The following DCUN1D5 variants were observed in gnomAD, a reference collection of about 807,000 sequenced individuals.
DCUN1D5 encodes the protein defective in cullin neddylation 1 domain containing 5, also known as DCN1-like protein 5.
Under a neutral mutation model 38.3 loss-of-function variants are expected in DCUN1D5, and 10 were observed. That is an observed-to-expected ratio of 0.26 (90% CI 0.16 to 0.44). The LOEUF (loss-of-function observed/expected upper bound fraction) is 0.44. Among genes scored for constraint, DCUN1D5 ranks in the 20% least tolerant of loss-of-function variants. The pLI is 1.00. For synonymous variants in DCUN1D5, 93 were observed against 90.9 expected (o/e 1.02, Z -0.13); for missense variants, 148 against 275.3 (o/e 0.54, Z 3.27).
At position 103,059,897 on chromosome 11, in the gene DCUN1D5, T is replaced by C. The variant is rs892082581; in HGVS notation, c.*2462A>G. On this transcript the variant is annotated 3_prime_UTR_variant, in exon 8 of 8. Coordinates refer to ENST00000260247, the MANE Select transcript of DCUN1D5 (RefSeq NM_032299.4). ...GTATTTCATCCTGTACAAAGGGAAG[T>C]AGTTCTGAAAATTTTACAACAGGGT... Among the ~76,000 whole-genome samples the C allele has an allele frequency of 2.0e-5, 3 of 152,130 alleles. No homozygotes were observed. Among genetic ancestry groups the C allele is most frequent in the Non-Finnish European group, 4.4e-5 (3 of 68,024 alleles).
chr11:103,071,371 A>T lies in DCUN1D5; in HGVS notation c.342-4804T>A, dbSNP rs1440459542. 1.3e-5 allele frequency among the ~76,000 whole-genome samples: 2 copies of T among 151,978 alleles called. No individual in the cohort carries two copies. The highest frequency in any genetic ancestry group is 4.8e-5 in the African/African-American group (2 of 41,454). On this transcript the variant is annotated intron_variant, in intron 4 of 7. Transcript: ENST00000260247. This position sits in a 1 kb window ranked among gnomAD's most constrained non-coding sequence, Gnocchi z 4.1. The stretch of plus-strand genomic sequence containing the variant: ...TTACAGACCCACAGCTATCAAAAGC[A>T]TAGTAAGGGATACACAATGAACATA...
Position 103,062,380 on chromosome 11 carries a change from T to C in DCUN1D5, c.693A>G (p.Gln231=). 5 of 1,613,526 alleles carry C rather than the reference T, an allele frequency of 3.1e-6. No individual in the cohort carries two copies. The highest frequency in any genetic ancestry group is 4.2e-6 in the Non-Finnish European group (5 of 1,179,628). Residue 231 remains glutamine (Q), a synonymous_variant, in exon 8 of 8, where the codon CAA becomes CAG. Transcript: ENST00000260247. The surrounding 1 kb of genome is among the most constrained non-coding windows in gnomAD (Gnocchi z 4.6). ...PVLLDEFVEW[Q]KVRQTS ...CTTGCTATGATGTCTGACGGACTTT[T>C]TGCCACTCAACAAATTCATCAAGAA...
Position 103,091,678 on chromosome 11 carries a change from C to T in DCUN1D5, c.86+109G>A. On this transcript the variant is annotated intron_variant, in intron 1 of 7. Transcript: ENST00000260247. The surrounding 1 kb of genome is among the most constrained non-coding windows in gnomAD (Gnocchi z 4.3). ...CTACAGCCTAGCTCGATCAAAGGGGCCTCACCTGTCTCCAGCCCCAGCCCG... is the reference window on the plus strand; with the variant it reads ...CTACAGCCTAGCTCGATCAAAGGGGTCTCACCTGTCTCCAGCCCCAGCCCG... 2 of 1,599,790 alleles carry T rather than the reference C, an allele frequency of 1.3e-6. No homozygotes were observed. The highest frequency in any genetic ancestry group is 8.5e-7 in the Non-Finnish European group (1 of 1,173,312).
In DCUN1D5 at chr11:103,063,458, C is replaced by A. The variant is rs971705233; in HGVS notation, c.658+817G>T. Among the ~76,000 whole-genome samples the A allele has an allele frequency of 1.3e-5, 2 of 152,018 alleles. No homozygotes were observed. The highest frequency in any genetic ancestry group is 1.3e-4 in the Admixed American group (2 of 15,246). On this transcript the variant is annotated intron_variant, in intron 7 of 7. Coordinates refer to ENST00000260247, the MANE Select transcript of DCUN1D5 (RefSeq NM_032299.4). The surrounding 1 kb of genome is among the most constrained non-coding windows in gnomAD (Gnocchi z 4.6). ...CTTTAAAATAATACTAAATTTTATA[C>A]CATCTTGTAGAGAGAGGACAAAATA... is the stretch of plus-strand genomic sequence containing the variant.
At position 103,066,206 on chromosome 11, in the gene DCUN1D5, A is replaced by G. The variant is rs1211268861; in HGVS notation, c.555+63T>C. The G allele has an allele frequency of 1.8e-6, 2 of 1,116,654 alleles. No individual in the cohort carries two copies. Among genetic ancestry groups the G allele is most frequent in the Non-Finnish European group, 1.3e-6 (1 of 795,512 alleles). 69.2% of individuals were successfully genotyped at this position (1,116,654 alleles called of 1,614,324 possible). A position where few individuals can be genotyped will look rare whatever the true frequency, so the allele number is the denominator to read the frequency against. ...CTATTAAAAATCTACTTGTTCCTCAAAAGTATAACTTTCAGATTAAGTTTT... is the reference window on the plus strand; with the variant it reads ...CTATTAAAAATCTACTTGTTCCTCAGAAGTATAACTTTCAGATTAAGTTTT... On this transcript the variant is annotated intron_variant, in intron 6 of 7. Coordinates refer to ENST00000260247, the MANE Select transcript of DCUN1D5 (RefSeq NM_032299.4). This position sits in a 1 kb window ranked among gnomAD's most constrained non-coding sequence, Gnocchi z 4.7.
At chr11:103,079,372 A>G (rs980199464) in intron 4 of DCUN1D5, among the ~76,000 whole-genome samples, 2 of 152,224 alleles carry the variant, frequency 1.3e-5, no homozygotes, top group East Asian at 3.8e-4. Context: ...CCTCGCTGTG[A>G]TCACCAGTAA....
rs764172600 is a variant in DCUN1D5, at chr11:103,066,515, A to G, written c.394T>C (p.Leu132=). The G allele has an allele frequency of 6.2e-7, 1 of 1,612,970 alleles. No homozygotes were observed. The highest frequency in any genetic ancestry group is 8.5e-7 in the Non-Finnish European group (1 of 1,179,434). The change falls in exon 5 of 8, where the codon TTG becomes CTG. Residue 132 remains leucine (L), a synonymous_variant. Transcript: ENST00000260247. The surrounding 1 kb of genome is among the most constrained non-coding windows in gnomAD (Gnocchi z 4.7). Reference sequence around the variant, plus strand: ...TTCTTAAATGACGAAATATCATTCAACTGTGAGCGCAAAAAGTCAAATTTG... The same window carrying G: ...TTCTTAAATGACGAAATATCATTCAGCTGTGAGCGCAAAAAGTCAAATTTG... The part of the protein sequence containing the change: ...QNKFDFLRSQ[L]NDISSFKNIY...
rs1268527871 is a variant in DCUN1D5, at chr11:103,066,238, A to G, written c.555+31T>C. Reference sequence around the variant, plus strand: ...AACTTTCAGATTAAGTTTTAAAATAATATTTTCAAAATTCGAAAAAACATA... The same window carrying G: ...AACTTTCAGATTAAGTTTTAAAATAGTATTTTCAAAATTCGAAAAAACATA... On this transcript the variant is annotated intron_variant, in intron 6 of 7. Coordinates refer to ENST00000260247, the MANE Select transcript of DCUN1D5 (RefSeq NM_032299.4). The surrounding 1 kb of genome is among the most constrained non-coding windows in gnomAD (Gnocchi z 4.7). 3.5e-5 allele frequency: 47 copies of G among 1,347,486 alleles called. No individual in the cohort carries two copies. Among genetic ancestry groups the G allele is most frequent in the Non-Finnish European group, 4.4e-5 (43 of 975,568 alleles). 83.5% of individuals were successfully genotyped at this position (1,347,486 alleles called of 1,614,324 possible).
rs1261517491 is a variant in DCUN1D5 at position 103,058,228 on chromosome 11, A to G, written c.*4131T>C. 1.3e-5 allele frequency among the ~76,000 whole-genome samples: 2 copies of G among 152,214 alleles called. No homozygotes were observed. The highest frequency in any genetic ancestry group is 1.5e-5 in the Non-Finnish European group (1 of 68,030). On this transcript the variant is annotated 3_prime_UTR_variant, in exon 8 of 8. Coordinates refer to ENST00000260247, the MANE Select transcript of DCUN1D5 (RefSeq NM_032299.4). ...GGTTCTAATACATGACACAGCATACACAGCAAAATGTTTCATCGATCCTAA... is the reference window on the plus strand; with the variant it reads ...GGTTCTAATACATGACACAGCATACGCAGCAAAATGTTTCATCGATCCTAA...
rs1861791915 is a variant in DCUN1D5 at position 103,053,302 on chromosome 11, T to C, written c.*9057A>G. 1 of 150,858 alleles carries C rather than the reference T, an allele frequency of 6.6e-6. No individual in the cohort carries two copies. The highest frequency in any genetic ancestry group is 1.5e-5 in the Non-Finnish European group (1 of 67,642). 9.3% of individuals were successfully genotyped at this position (150,858 alleles called of 1,614,324 possible). A position where few individuals can be genotyped will look rare whatever the true frequency, so the allele number is the denominator to read the frequency against. On this transcript the variant is annotated 3_prime_UTR_variant, in exon 8 of 8. Coordinates refer to ENST00000260247, the MANE Select transcript of DCUN1D5 (RefSeq NM_032299.4). The surrounding 1 kb of genome is among the most constrained non-coding windows in gnomAD (Gnocchi z 4.8). The stretch of plus-strand genomic sequence containing the variant: ...GCATCCATTTAATGAACCATTTCAC[T>C]ATACTGCCTACAAAGAAAGCAAGTA...
intron 1 of DCUN1D5, among the ~76,000 whole-genome samples, chr11:103,090,259 GAAT>G (rs1006467665): frequency 1.7e-4 from 26 of 152,104 alleles, no homozygotes; most frequent in Admixed American, 1.6e-3. Context: ...GTACAAAAAT[GAAT>G]AATAATTTGC....
In DCUN1D5 at chr11:103,055,558, T is replaced by C. The variant is rs1236770472; in HGVS notation, c.*6801A>G. Reference sequence around the variant, plus strand: ...ACATATTTGGCAACTATTATCAATCTTGCTTTTTAAATCTTAGTGCTTCTA... The same window carrying C: ...ACATATTTGGCAACTATTATCAATCCTGCTTTTTAAATCTTAGTGCTTCTA... On this transcript the variant is annotated 3_prime_UTR_variant, in exon 8 of 8. Transcript: ENST00000260247. 6.6e-6 allele frequency: 1 copy of C among 152,224 alleles called. No individual in the cohort carries two copies. Among genetic ancestry groups the C allele is most frequent in the Non-Finnish European group, 1.5e-5 (1 of 68,026 alleles). The allele number at this position is 152,224 out of a possible 1,614,324, so 9.4% of individuals were successfully genotyped here.
chr11:103,091,612 A>T lies in DCUN1D5; in HGVS notation c.86+175T>A. On this transcript the variant is annotated intron_variant, in intron 1 of 7. Transcript: ENST00000260247. This position sits in a 1 kb window ranked among gnomAD's most constrained non-coding sequence, Gnocchi z 4.3. ...AACGCCAGCGTGCACACACTCGAAC[A>T]CGAGGTCGGGTCGGGCGCGGAGACT... The T allele has an allele frequency of 8.7e-7, 1 of 1,151,546 alleles. No homozygotes were observed. The highest frequency in any genetic ancestry group is 2.6e-5 in the East Asian group (1 of 38,754). 71.3% of individuals were successfully genotyped at this position (1,151,546 alleles called of 1,614,324 possible). A position where few individuals can be genotyped will look rare whatever the true frequency, so the allele number is the denominator to read the frequency against.
At position 103,073,761 on chromosome 11, in the gene DCUN1D5, G is replaced by T. The variant is rs947775684; in HGVS notation, c.342-7194C>A. On this transcript the variant is annotated intron_variant, in intron 4 of 7. Coordinates refer to ENST00000260247, the MANE Select transcript of DCUN1D5 (RefSeq NM_032299.4). This position sits in a 1 kb window ranked among gnomAD's most constrained non-coding sequence, Gnocchi z 4.2. ...GGCTAGGCAAATAATTCTTAGACTT[G>T]ACATCAAAAGTACAATCAAAAGTAC... 2.6e-5 allele frequency among the ~76,000 whole-genome samples: 4 copies of T among 152,084 alleles called. No individual in the cohort carries two copies. The highest frequency in any genetic ancestry group is 9.7e-5 in the African/African-American group (4 of 41,412).
In DCUN1D5 at chr11:103,066,813, T is replaced by C. The variant is rs865830264; in HGVS notation, c.342-246A>G. ...CAAAGAAAGTTCACTCCAATTACTT[T>C]GCTTAAAAACAAACAAACAGCTCAT... On this transcript the variant is annotated intron_variant, in intron 4 of 7. Coordinates refer to ENST00000260247, the MANE Select transcript of DCUN1D5 (RefSeq NM_032299.4). This position sits in a 1 kb window ranked among gnomAD's most constrained non-coding sequence, Gnocchi z 4.7. Among the ~76,000 whole-genome samples the C allele has an allele frequency of 6.6e-6, 1 of 152,156 alleles. No individual in the cohort carries two copies. Among genetic ancestry groups the C allele is most frequent in the Middle Eastern group, 3.2e-3 (1 of 316 alleles).
Position 103,091,867 on chromosome 11 carries a change from C to T in DCUN1D5, c.6G>A (p.Pro2=), listed in dbSNP as rs1295056161. The T allele has an allele frequency of 6.2e-7, 1 of 1,613,250 alleles. No homozygotes were observed. Among genetic ancestry groups the T allele is most frequent in the Non-Finnish European group, 8.5e-7 (1 of 1,179,572 alleles). Reference sequence around the variant, plus strand: ...CAGGGGATTTTCTCTTCTTCTTCACCGGCATCTTCCGCCCTCCCCGGCAGG... The same window carrying T: ...CAGGGGATTTTCTCTTCTTCTTCACTGGCATCTTCCGCCCTCCCCGGCAGG... M[P]VKKKRKSPGV... The change falls in exon 1 of 8, where the codon CCG becomes CCA. Residue 2 remains proline (P), a synonymous_variant. Coordinates refer to ENST00000260247, the MANE Select transcript of DCUN1D5 (RefSeq NM_032299.4). This position sits in a 1 kb window ranked among gnomAD's most constrained non-coding sequence, Gnocchi z 4.3.
Position 103,077,371 on chromosome 11 carries a change from G to C in DCUN1D5, c.341+5377C>G, listed in dbSNP as rs1365074672. 6.6e-6 allele frequency among the ~76,000 whole-genome samples: 1 copy of C among 152,104 alleles called. No homozygotes were observed. The highest frequency in any genetic ancestry group is 1.5e-5 in the Non-Finnish European group (1 of 68,018). On this transcript the variant is annotated intron_variant, in intron 4 of 7. Transcript: ENST00000260247. The surrounding 1 kb of genome is among the most constrained non-coding windows in gnomAD (Gnocchi z 4.3). The stretch of plus-strand genomic sequence containing the variant: ...ACATCAATACCTCAGAAATTGGGAA[G>C]TTTAGAAAAAAGAATATTTCCTCCG...
At position 103,052,647 on chromosome 11, in the gene DCUN1D5, T is replaced by C. The variant is rs1861771630; in HGVS notation, c.*9712A>G. The C allele has an allele frequency of 6.6e-6, 1 of 152,202 alleles. No homozygotes were observed. Among genetic ancestry groups the C allele is most frequent in the African/African-American group, 2.4e-5 (1 of 41,462 alleles). The allele number at this position is 152,202 out of a possible 1,614,324, so 9.4% of individuals were successfully genotyped here. A position where few individuals can be genotyped will look rare whatever the true frequency, so the allele number is the denominator to read the frequency against. ...TACTCCAAGTCTCTCTTGGTAGTTCTTACATATCATCCTTTTTTAGACCAG... is the reference window on the plus strand; with the variant it reads ...TACTCCAAGTCTCTCTTGGTAGTTCCTACATATCATCCTTTTTTAGACCAG... On this transcript the variant is annotated 3_prime_UTR_variant, in exon 8 of 8. Transcript: ENST00000260247.
Position 103,078,447 on chromosome 11 carries a change from T to C in DCUN1D5, c.341+4301A>G, listed in dbSNP as rs1453545807. 6.6e-6 allele frequency among the ~76,000 whole-genome samples: 1 copy of C among 152,226 alleles called. No homozygotes were observed. ...GTCTAGCAGTACATGTGCCTCTTAA[T>C]GGGAACGAGGTCCATAGTTCTCATA... On this transcript the variant is annotated intron_variant, in intron 4 of 7. Transcript: ENST00000260247. The surrounding 1 kb of genome is among the most constrained non-coding windows in gnomAD (Gnocchi z 4.6).
Sources: gnomAD v4.1 joint callset for allele counts (sites outside exome capture counted in the v4.1 genomes callset) on GRCh38, gnomAD v4.1.1 for gene constraint, Gnocchi (gnomAD v3.1) non-coding constraint, MANE v1.5 for transcripts, NCBI Gene and HGNC (gene_info 2026-07-23, HGNC 2026-07-21) for gene names.